The following FAM193B variants were observed in gnomAD, a reference collection of about 807,000 sequenced individuals.
FAM193B encodes family with sequence similarity 193 member B.
In FAM193B, 27 loss-of-function variants were observed where a neutral mutation model predicts 70.7. The observed-to-expected ratio is 0.38, with a 90% confidence interval of 0.28 to 0.53. The LOEUF (loss-of-function observed/expected upper bound fraction) is 0.53. FAM193B is among the 20% of genes least tolerant of loss of function. FAM193B has a pLI of 0.81. For synonymous variants in FAM193B, 448 were observed against 436.0 expected (o/e 1.03, Z -0.34); for missense variants, 1,022 against 1,072.5 (o/e 0.95, Z 0.66).
chr5:177,554,050 C>T (rs1474732833), intron 1 of FAM193B, 199 bp downstream of exon 1: 5 of 1,346,934 alleles, frequency 3.7e-6, no homozygotes, highest in Non-Finnish European at 4.8e-6. Flanking sequence ...CGCAGGAGCG[C>T]GGACCGAGCC....
intron 1 of FAM193B, among the ~76,000 whole-genome samples, chr5:177,545,871 T>C (rs1384233587): frequency 1.3e-5 from 2 of 152,100 alleles, no homozygotes; most frequent in Non-Finnish European, 2.9e-5. Flanking sequence ...TCGTACAGGA[T>C]TGCCCCAAGA....
chr5:177,543,017 CAG>C (rs1424541127), intron 1 of FAM193B, among the ~76,000 whole-genome samples: 1 of 152,198 alleles, frequency 6.6e-6, no homozygotes, highest in Non-Finnish European at 1.5e-5. Flanking sequence ...CTGCTGCCTA[CAG>C]AGAAAGGCCC....
intron 1 of FAM193B, among the ~76,000 whole-genome samples, chr5:177,550,875 G>A (rs1318526560): frequency 1.3e-5 from 2 of 152,178 alleles, no homozygotes; most frequent in Non-Finnish European, 1.5e-5. Context: ...TCTCCCCCAG[G>A]CTGGGGTGCA....
intron 3 of FAM193B, 133 bp downstream of exon 3, chr5:177,537,740 T>G (rs1764340446): frequency 3.0e-6 from 4 of 1,314,398 alleles, no homozygotes; most frequent in Admixed American, 3.0e-5. Context: ...AAGCTGCCCC[T>G]GCTTCCACCA....
intron 1 of FAM193B, among the ~76,000 whole-genome samples, chr5:177,540,643 G>A (rs1395592277): frequency 6.6e-6 from 1 of 152,228 alleles, no homozygotes; most frequent in African/African-American, 2.4e-5. Context: ...GACTTGTGGA[G>A]AAAGCAAAGT....
At chr5:177,520,968 G>C (rs940947149) in intron 8 of FAM193B, among the ~76,000 whole-genome samples, 3 of 152,230 alleles carry the variant, frequency 2.0e-5, no homozygotes, top group African/African-American at 7.2e-5. Flanking sequence ...CAGGCTCTCT[G>C]AGCTGCCCCT....
intron 1 of FAM193B, among the ~76,000 whole-genome samples, chr5:177,550,064 C>T (rs1766002646): frequency 6.6e-6 from 1 of 152,070 alleles, no homozygotes; most frequent in African/African-American, 2.4e-5. Flanking sequence ...CATGTAGTCC[C>T]AGCTATTTGG....
chr5:177,525,901 G>C (rs1481750570), intron 5 of FAM193B, among the ~76,000 whole-genome samples: 2 of 152,236 alleles, frequency 1.3e-5, no homozygotes, highest in Admixed American at 6.5e-5. Flanking sequence ...GAATCAAAAT[G>C]AAAGTCTGTG....
chr5:177,554,245 C>T lies in FAM193B; in HGVS notation c.210+4G>A, dbSNP rs1766743498. On this transcript the variant is annotated splice_donor_region_variant and intron_variant, in intron 1 of 8. Transcript: ENST00000514747. ...GCCGCCGAAGTCTCCCCGCTCGCTC[C>T]TACCTGCGGGCCGGGCACCAGGTTG... 1 of 1,483,128 alleles carries T rather than the reference C, an allele frequency of 6.7e-7. No homozygotes were observed. The highest frequency in any genetic ancestry group is 2.2e-5 in the Admixed American group (1 of 45,296). 91.9% of individuals were successfully genotyped at this position (1,483,128 alleles called of 1,614,324 possible).
rs1381823005 is a variant in FAM193B, at chr5:177,554,013, G to C, written c.210+236C>G. 7.6e-6 allele frequency: 10 copies of C among 1,312,194 alleles called. No homozygotes were observed. The East Asian group carries it at 3.5e-4, about 46-fold the overall frequency. The allele number at this position is 1,312,194 out of a possible 1,614,324, so 81.3% of individuals were successfully genotyped here. A position where few individuals can be genotyped will look rare whatever the true frequency, so the allele number is the denominator to read the frequency against. On this transcript the variant is annotated intron_variant, in intron 1 of 8. Coordinates refer to ENST00000514747, the MANE Select transcript of FAM193B (RefSeq NM_001190946.3). ...ACGGCCGGAACGCCCGGAGGCGGCG[G>C]GGAGAGGGGAGCAGCTTCAGCCTAG...
Position 177,537,977 on chromosome 5 carries a change from G to A in FAM193B, c.584C>T (p.Pro195Leu). 6.4e-7 allele frequency: 1 copy of A among 1,563,036 alleles called. No individual in the cohort carries two copies. Among genetic ancestry groups the A allele is most frequent in the Non-Finnish European group, 8.7e-7 (1 of 1,153,450 alleles). Residue 195 changes from proline (P) to leucine (L), a missense_variant, in exon 3 of 9, where the codon CCT (proline) becomes CTT (leucine). Coordinates refer to ENST00000514747, the MANE Select transcript of FAM193B (RefSeq NM_001190946.3). ...CTTATGTGCCGACAGGAACGAGCTA[G>A]GATCCCAGTCTCCCGAGTTCCCAGG... is the stretch of plus-strand genomic sequence containing the variant. ...SCPGNSGDWDPSSFLSAHKLS... is the reference protein window; with the variant it reads ...SCPGNSGDWDLSSFLSAHKLS...
In FAM193B at chr5:177,535,543, CTCAT is replaced by C. The variant is rs1397028927; in HGVS notation, c.1076+811_1076+814del. On this transcript the variant is annotated intron_variant, in intron 4 of 8. Coordinates refer to ENST00000514747, the MANE Select transcript of FAM193B (RefSeq NM_001190946.3). Reference sequence around the variant, plus strand: ...GGAATCTCCCTGAAGGACATGATTTCTCATTCAAACAGATTTAGGTGCAGGGATG... The same window carrying C: ...GGAATCTCCCTGAAGGACATGATTTCTCAAACAGATTTAGGTGCAGGGATG... 2.0e-5 allele frequency among the ~76,000 whole-genome samples: 3 copies of C among 152,334 alleles called. No homozygotes were observed. In the South Asian group the frequency reaches 6.2e-4, roughly 32 times the overall value.
chr5:177,524,942 C>A lies in FAM193B; in HGVS notation c.1539G>T (p.Gln513His). 6.6e-7 allele frequency: 1 copy of A among 1,507,568 alleles called. No homozygotes were observed. 93.4% of individuals were successfully genotyped at this position (1,507,568 alleles called of 1,614,324 possible). Residue 513 changes from glutamine (Q) to histidine (H), a missense_variant, in exon 6 of 9, where the codon CAG becomes CAT. Physicochemically the swap from Gln to His is conservative, Grantham distance 24. Coordinates refer to ENST00000514747, the MANE Select transcript of FAM193B (RefSeq NM_001190946.3). The part of the protein sequence containing the change: ...SKEGAAEPEP[Q>H]SLPPSNLSGS... Reference sequence around the variant, plus strand: ...CACTGAGGTTTGAGGGGGGTAGACTCTGAGGCTCAGGCTCAGCAGCCCCCT... The same window carrying A: ...CACTGAGGTTTGAGGGGGGTAGACTATGAGGCTCAGGCTCAGCAGCCCCCT...
rs1467671163 is a variant in FAM193B, at chr5:177,532,799, C to A, written c.1077-158G>T. Among the ~76,000 whole-genome samples, 1 of 152,208 alleles carries A rather than the reference C, an allele frequency of 6.6e-6. No homozygotes were observed. Among genetic ancestry groups the A allele is most frequent in the Non-Finnish European group, 1.5e-5 (1 of 68,038 alleles). On this transcript the variant is annotated intron_variant, in intron 4 of 8. Coordinates refer to ENST00000514747, the MANE Select transcript of FAM193B (RefSeq NM_001190946.3). The surrounding 1 kb of genome is among the most constrained non-coding windows in gnomAD (Gnocchi z 4.9). The stretch of plus-strand genomic sequence containing the variant: ...CATTGCACCTCTCACCTGAACAGGG[C>A]GAACACCTGCACTGTCCCTCAAGGC...
rs1296154588 is a variant in FAM193B, at chr5:177,525,133, T to C, written c.1348A>G (p.Arg450Gly). ...TCCAAGAGCCTCTCCCTGGCAGGCCTTGGCTCCCGGCTTCCAGAAACACGA... is the reference window on the plus strand; with the variant it reads ...TCCAAGAGCCTCTCCCTGGCAGGCCCTGGCTCCCGGCTTCCAGAAACACGA... ...ANRVSGSREP[R>G]PARERLLEWP... Residue 450 changes from arginine (R) to glycine (G), a missense_variant, in exon 6 of 9, where the codon AGG becomes GGG. Transcript: ENST00000514747. The C allele has an allele frequency of 1.9e-6, 3 of 1,544,934 alleles. No individual in the cohort carries two copies. The highest frequency in any genetic ancestry group is 2.3e-5 in the East Asian group (1 of 42,610).
intron 1 of FAM193B, among the ~76,000 whole-genome samples, chr5:177,549,484 C>T (rs1441800670): frequency 3.3e-5 from 5 of 152,162 alleles, no homozygotes; most frequent in Non-Finnish European, 7.3e-5. Context: ...TGAGCCACCG[C>T]GCCCAGCCTG....
intron 1 of FAM193B, among the ~76,000 whole-genome samples, chr5:177,544,469 G>A (rs1241748879): frequency 6.6e-6 from 1 of 152,182 alleles, no homozygotes; most frequent in Non-Finnish European, 1.5e-5. Context: ...GGTATTGGCA[G>A]ACATTTTCTC....
In FAM193B at chr5:177,524,617, G is replaced by C. The variant is rs1762300188; in HGVS notation, c.1864C>G (p.Gln622Glu). The C allele has an allele frequency of 1.9e-6, 3 of 1,612,354 alleles. No individual in the cohort carries two copies. The highest frequency in any genetic ancestry group is 1.3e-5 in the African/African-American group (1 of 74,916). The change falls in exon 6 of 9, where the codon CAG becomes GAG. Residue 622 changes from glutamine to glutamate, a missense_variant. Coordinates refer to ENST00000514747, the MANE Select transcript of FAM193B (RefSeq NM_001190946.3). ...PSSKEVPSCK[Q>E]ELPEPVSSGG... ...GAGGACACAGGCTCAGGCAGCTCCT[G>C]CTTGCAACTGGGAACTTCCTTTGAG... is the stretch of plus-strand genomic sequence containing the variant.
At chr5:177,523,228 G>A (rs1031556384) in intron 7 of FAM193B, 1 of 365,332 alleles carries the variant, frequency 2.7e-6, no homozygotes, top group Non-Finnish European at 5.7e-6. Context: ...TTGAACTCCT[G>A]ATCTCAGGTG....
Sources: gnomAD v4.1 joint callset for allele counts (sites outside exome capture counted in the v4.1 genomes callset) on GRCh38, gnomAD v4.1.1 for gene constraint, Gnocchi (gnomAD v3.1) non-coding constraint, MANE v1.5 for transcripts, NCBI Gene and HGNC (gene_info 2026-07-23, HGNC 2026-07-21) for gene names.